GPT2: variants seen among roughly 807,000 people sequenced by gnomAD.
GPT2 encodes alanine aminotransferase 2.
GPT2 carries 30 observed loss-of-function variants against 56.9 expected under a neutral mutation model. The ratio of observed to expected loss-of-function variants is 0.53; its 90% CI spans 0.39 to 0.72. The LOEUF (loss-of-function observed/expected upper bound fraction) is 0.72. Ranked by LOEUF, GPT2 falls within the 30% of genes least tolerant of loss-of-function variation. The probability of loss-of-function intolerance (pLI) is 0.00; values close to 1 mark genes in which losing one functional copy is unlikely to be tolerated. For synonymous variants in GPT2, 271 were observed against 283.1 expected (o/e 0.96, Z 0.43); for missense variants, 542 against 703.4 (o/e 0.77, Z 2.60).
chr16:46,894,584 T>G (rs913658950), intron 2 of GPT2, among the ~76,000 whole-genome samples: 3 of 152,048 alleles, frequency 2.0e-5, no homozygotes, highest in African/African-American at 7.2e-5. Flanking sequence ...CCAGAGCCTC[T>G]CCAGAGTGCC....
intron 8 of GPT2, among the ~76,000 whole-genome samples, chr16:46,919,483 C>T (rs1448966842): frequency 1.3e-5 from 2 of 152,176 alleles, no homozygotes; most frequent in African/African-American, 4.8e-5. Context: ...AAGAGCATTG[C>T]AGGCAGCGGG....
At chr16:46,886,215 G>A (rs1960480876) in intron 2 of GPT2, among the ~76,000 whole-genome samples, 1 of 152,176 alleles carries the variant, frequency 6.6e-6, no homozygotes, top group South Asian at 2.1e-4. Flanking sequence ...GGTGGGCCGG[G>A]CAGAGAACAC....
intron 8 of GPT2, among the ~76,000 whole-genome samples, chr16:46,921,087 T>C (rs976223464): frequency 6.6e-6 from 1 of 152,230 alleles, no homozygotes; most frequent in East Asian, 1.9e-4. Flanking sequence ...CTTCCCACCT[T>C]GAAACGTCCA....
intron 2 of GPT2, among the ~76,000 whole-genome samples, chr16:46,893,372 C>G (rs868046092): frequency 6.6e-6 from 1 of 152,142 alleles, no homozygotes; most frequent in Non-Finnish European, 1.5e-5. Context: ...ACCTCGTGAT[C>G]TACCCGCCTC....
chr16:46,888,471 C>T (rs373011960), intron 2 of GPT2, among the ~76,000 whole-genome samples: 3 of 152,188 alleles, frequency 2.0e-5, no homozygotes, highest in East Asian at 1.9e-4. Flanking sequence ...CTCAGCCTCC[C>T]GAGTAGCTGG....
Position 46,916,685 on chromosome 16 carries a change from A to T in GPT2, c.878A>T (p.Lys293Met). ...EDVIHFAWEE[K>M]LFLLADEVYQ... ...GTGATCCACTTTGCCTGGGAAGAGA[A>T]GCTCTTTCTCCTGGCTGATGAGGTA... The change falls in exon 7 of 12, where the codon AAG (lysine) becomes ATG (methionine). Residue 293 changes from lysine (K) to methionine (M), a missense_variant. Coordinates refer to ENST00000340124, the MANE Select transcript of GPT2 (RefSeq NM_133443.4). 1.2e-6 allele frequency: 2 copies of T among 1,612,956 alleles called. No individual in the cohort carries two copies. Among genetic ancestry groups the T allele is most frequent in the Middle Eastern group, 1.7e-4 (1 of 6,060 alleles).
At chr16:46,905,655 A>C (rs4966712) in intron 4 of GPT2, among the ~76,000 whole-genome samples, 3 of 152,178 alleles carry the variant, frequency 2.0e-5, no homozygotes, top group Admixed American at 2.0e-4. Flanking sequence ...GTACAAATAC[A>C]TCTTTCCATT....
intron 2 of GPT2, among the ~76,000 whole-genome samples, chr16:46,894,208 G>C (rs1045865697): frequency 2.0e-5 from 3 of 152,354 alleles, no homozygotes; most frequent in East Asian, 1.9e-4. Context: ...GAGCAGTGCG[G>C]GGGGAGGGCA....
At position 46,898,830 on chromosome 16, in the gene GPT2, G is replaced by T. The variant is rs1421293184; in HGVS notation, c.333+1093G>T. 2.0e-5 allele frequency among the ~76,000 whole-genome samples: 3 copies of T among 149,398 alleles called. No homozygotes were observed. The East Asian group carries it at 5.9e-4, about 29-fold the overall frequency. On this transcript the variant is annotated intron_variant, in intron 3 of 11. Transcript: ENST00000340124. ...CTCCCAAAGTGCTGCGATTACAGGCGTGAGCCACCATACCTGGCCTGTTTT... is the reference window on the plus strand; with the variant it reads ...CTCCCAAAGTGCTGCGATTACAGGCTTGAGCCACCATACCTGGCCTGTTTT...
Position 46,913,180 on chromosome 16 carries a change from A to G in GPT2, c.820+3253A>G, listed in dbSNP as rs184509611. On this transcript the variant is annotated intron_variant, in intron 6 of 11. Coordinates refer to ENST00000340124, the MANE Select transcript of GPT2 (RefSeq NM_133443.4). The stretch of plus-strand genomic sequence containing the variant: ...AGAACTAAGTTCTGCCCTTATCCTC[A>G]CGCTGTGTGTAACAGCAGTATTATT... 5.3e-5 allele frequency among the ~76,000 whole-genome samples: 8 copies of G among 152,194 alleles called. No individual in the cohort carries two copies. In the East Asian group the frequency reaches 1.5e-3, roughly 29 times the overall value.
intron 11 of GPT2, among the ~76,000 whole-genome samples, chr16:46,927,881 T>G (rs1961449194): frequency 1.3e-5 from 2 of 152,070 alleles, no homozygotes; most frequent in Admixed American, 1.3e-4. Context: ...TGTTAGTTAC[T>G]GTGGCAACTT....
chr16:46,911,150 C>CA (rs1252592703), intron 6 of GPT2, among the ~76,000 whole-genome samples: 3 of 151,880 alleles, frequency 2.0e-5, no homozygotes, highest in South Asian at 4.1e-4. Context: ...GCAACTAAAC[C>CA]AAAAAAACCA....
intron 2 of GPT2, among the ~76,000 whole-genome samples, chr16:46,892,926 A>G (rs1960611740): frequency 6.6e-6 from 1 of 152,162 alleles, no homozygotes; most frequent in Admixed American, 6.5e-5. Context: ...TGCTCATATA[A>G]ATGGCGTAGT....
intron 6 of GPT2, among the ~76,000 whole-genome samples, chr16:46,911,943 A>G (rs1357875743): frequency 6.6e-6 from 1 of 152,194 alleles, no homozygotes; most frequent in Non-Finnish European, 1.5e-5. Flanking sequence ...TAAAGAGGTC[A>G]TTTTCTATTA....
At position 46,927,055 on chromosome 16, in the gene GPT2, C is replaced by T. The variant is rs371357050; in HGVS notation, c.1481+18C>T. 57 of 1,485,408 alleles carry T rather than the reference C, an allele frequency of 3.8e-5. No individual in the cohort carries two copies. Among genetic ancestry groups the T allele is most frequent in the Non-Finnish European group, 5.0e-5 (54 of 1,084,224 alleles). 92.0% of individuals were successfully genotyped at this position (1,485,408 alleles called of 1,614,324 possible). On this transcript the variant is annotated intron_variant, in intron 11 of 11. Transcript: ENST00000340124. ...CACTTCAGGTATGACTTCCTCTCCG[C>T]ACTAGGGGCTGGTCCGGGTCTTGTC...
chr16:46,919,026 T>C (rs1299239217), intron 8 of GPT2, among the ~76,000 whole-genome samples: 7 of 152,222 alleles, frequency 4.6e-5, no homozygotes, highest in Non-Finnish European at 1.0e-4. Flanking sequence ...CCTGGTGTTT[T>C]CTCTGTCACT....
At chr16:46,912,758 C>G (rs941763936) in intron 6 of GPT2, among the ~76,000 whole-genome samples, 5 of 152,178 alleles carry the variant, frequency 3.3e-5, no homozygotes, top group African/African-American at 1.2e-4. Flanking sequence ...CAGGGCGGGG[C>G]AGGGGATGCC....
Position 46,922,408 on chromosome 16 carries a change from T to C in GPT2, c.1204T>C (p.Phe402Leu), listed in dbSNP as rs1186133357. The change falls in exon 9 of 12, where the codon TTC (phenylalanine) becomes CTC (leucine). Residue 402 changes from phenylalanine to leucine, a missense_variant. Coordinates refer to ENST00000340124, the MANE Select transcript of GPT2 (RefSeq NM_133443.4). ...GGCAGGAGAGGAGTCCTTTGAGCAA[T>C]TCAGCCGAGTGAGTCCACTGTGATG... The part of the protein sequence containing the change: ...PVAGEESFEQ[F>L]SREKESVLGN... 1.2e-6 allele frequency: 2 copies of C among 1,609,934 alleles called. No individual in the cohort carries two copies.
intron 7 of GPT2, among the ~76,000 whole-genome samples, chr16:46,918,170 G>T (rs1382377788): frequency 6.6e-6 from 1 of 152,234 alleles, no homozygotes; most frequent in African/African-American, 2.4e-5. Context: ...TTCCACTCGA[G>T]TGGGGGGTTA....
Sources: allele counts gnomAD v4.1 joint callset (sites outside exome capture counted in the v4.1 genomes callset), GRCh38; gene constraint gnomAD v4.1.1; transcripts MANE v1.5; gene names NCBI Gene and HGNC (gene_info 2026-07-23, HGNC 2026-07-21).